ULK4: variants seen among roughly 807,000 people sequenced by gnomAD.
ULK4 encodes the protein inactive serine/threonine-protein kinase ULK4.
In ULK4, 133 loss-of-function variants were observed where a neutral mutation model predicts 160.6. The observed-to-expected ratio is 0.83, with a 90% CI of 0.72 to 0.96. The LOEUF (loss-of-function observed/expected upper bound fraction) is 0.96. ULK4 is among the 40% of genes least tolerant of loss of function. The pLI is 0.00. For missense variants in ULK4, 1,580 were observed against 1,499.5 expected (o/e 1.05, Z -0.89); for synonymous variants, 534 against 539.8 (o/e 0.99, Z 0.15).
intron 32 of ULK4, among the ~76,000 whole-genome samples, chr3:41,464,307 A>G (rs2083771274): frequency 6.6e-6 from 1 of 152,210 alleles, no homozygotes; most frequent in Non-Finnish European, 1.5e-5. Context: ...TTGTCACTAA[A>G]GGCAGTGACA....
chr3:41,354,134 T>C (rs924097121), intron 35 of ULK4, among the ~76,000 whole-genome samples: 8 of 152,260 alleles, frequency 5.3e-5, no homozygotes, highest in Non-Finnish European at 4.4e-5. Context: ...CACACATCAT[T>C]AGTGGAACCT....
chr3:41,635,443 T>C (rs2033915066), intron 30 of ULK4, among the ~76,000 whole-genome samples: 2 of 152,094 alleles, frequency 1.3e-5, no homozygotes, highest in Middle Eastern at 3.4e-3. Flanking sequence ...TATATAAATA[T>C]ATAGAAGCAT....
intron 31 of ULK4, among the ~76,000 whole-genome samples, chr3:41,568,833 AG>A (rs968590072): frequency 6.6e-6 from 1 of 152,158 alleles, no homozygotes; most frequent in African/African-American, 2.4e-5. Flanking sequence ...CCATAGGGCG[AG>A]GGCTCAGTCC....
chr3:41,545,589 C>T (rs972239957), intron 32 of ULK4, among the ~76,000 whole-genome samples: 4 of 152,066 alleles, frequency 2.6e-5, no homozygotes, highest in African/African-American at 9.7e-5. Flanking sequence ...GTTTGACTAT[C>T]GTGTGCTTAG....
chr3:41,768,740 T>A lies in ULK4; in HGVS notation c.2194-14252A>T, dbSNP rs528616356. Among the ~76,000 whole-genome samples, 3 of 152,322 alleles carry A rather than the reference T, an allele frequency of 2.0e-5. No homozygotes were observed. The South Asian group carries it at 6.2e-4, about 32-fold the overall frequency. ...TCTAAATCATAACATTTTGGGTGGT[T>A]TGTTACACAGCAATAGAAAAATAAA... On this transcript the variant is annotated intron_variant, in intron 21 of 36. Coordinates refer to ENST00000301831, the MANE Select transcript of ULK4 (RefSeq NM_017886.4).
chr3:41,411,316 A>C (rs2082404481), intron 34 of ULK4, among the ~76,000 whole-genome samples: 1 of 152,182 alleles, frequency 6.6e-6, no homozygotes, highest in Non-Finnish European at 1.5e-5. Flanking sequence ...TCTGATAAGA[A>C]ACATTTACAA....
intron 32 of ULK4, among the ~76,000 whole-genome samples, chr3:41,539,035 G>GTTTT (rs11425607): frequency 7.1e-6 from 1 of 139,936 alleles, no homozygotes; most frequent in African/African-American, 2.6e-5. Flanking sequence ...CTTTTTCTTA[G>GTTTT]TTTTTTTTTT....
chr3:41,902,420 A>C (rs1234853922), intron 12 of ULK4, among the ~76,000 whole-genome samples: 3 of 152,086 alleles, frequency 2.0e-5, no homozygotes, highest in Admixed American at 2.0e-4. Context: ...TCTACTAAAA[A>C]TACAAAAATT....
chr3:41,571,175 T>C (rs183636493), intron 31 of ULK4, among the ~76,000 whole-genome samples: 28 of 152,336 alleles, frequency 1.8e-4, no homozygotes, highest in Admixed American at 4.6e-4. Context: ...TTATCTTTAC[T>C]TGCTCTTCCC....
chr3:41,756,862 T>C (rs1015472855), intron 21 of ULK4, among the ~76,000 whole-genome samples: 18 of 152,066 alleles, frequency 1.2e-4, no homozygotes, highest in Non-Finnish European at 1.8e-4. Context: ...AAACACAAAA[T>C]GATTCAAAGA....
chr3:41,896,783 C>A (rs188784923), intron 15 of ULK4, 39 bp downstream of exon 15: 1 of 1,547,228 alleles, frequency 6.5e-7, no homozygotes, highest in African/African-American at 1.4e-5. Context: ...TCTATAAAAA[C>A]ACAAATTAAA....
intron 32 of ULK4, among the ~76,000 whole-genome samples, chr3:41,558,131 C>T (rs554050339): frequency 1.3e-5 from 2 of 152,214 alleles, no homozygotes; most frequent in African/African-American, 4.8e-5. Context: ...ATACATATTC[C>T]TGCTCCTGTG....
chr3:41,368,443 C>T (rs58977456), intron 35 of ULK4, among the ~76,000 whole-genome samples: 77,414 of 152,062 alleles, frequency 0.51, 20,669 homozygotes, highest in African/African-American at 0.68. Flanking sequence ...ATTCACAGAA[C>T]GTGCAATCAT....
Position 41,655,416 on chromosome 3 carries a change from T to C in ULK4, c.3071+8191A>G, listed in dbSNP as rs560843875. On this transcript the variant is annotated intron_variant, in intron 30 of 36. Coordinates refer to ENST00000301831, the MANE Select transcript of ULK4 (RefSeq NM_017886.4). ...GGGGGAGGGATAGCATTAGGAGATA[T>C]ACCTAATGCTAAATGACGAGTTAAT... Among the ~76,000 whole-genome samples, 151 of 149,528 alleles carry C rather than the reference T, an allele frequency of 1.0e-3. 1 individual carries two copies. The highest frequency in any genetic ancestry group is 3.5e-3 in the African/African-American group (145 of 40,944).
chr3:41,260,150 T>G (rs188979633), intron 35 of ULK4: 4 of 152,314 alleles, frequency 2.6e-5, no homozygotes, highest in African/African-American at 9.6e-5. Flanking sequence ...CAGCTGGGGT[T>G]TTCATGCTAC....
intron 30 of ULK4, among the ~76,000 whole-genome samples, chr3:41,625,452 C>T (rs2033458799): frequency 6.6e-6 from 1 of 152,150 alleles, no homozygotes; most frequent in Non-Finnish European, 1.5e-5. Flanking sequence ...GATCAAACCC[C>T]AACGCACTCT....
chr3:41,539,583 A>T (rs1188920205), intron 32 of ULK4, among the ~76,000 whole-genome samples: 1 of 152,164 alleles, frequency 6.6e-6, no homozygotes, highest in African/African-American at 2.4e-5. Flanking sequence ...ACAGGGATAG[A>T]CTATAGGAAA....
chr3:41,429,084 G>A (rs1356727833), intron 34 of ULK4, among the ~76,000 whole-genome samples: 5 of 151,512 alleles, frequency 3.3e-5, no homozygotes, highest in Non-Finnish European at 7.4e-5. Flanking sequence ...TAAAAAGCAG[G>A]GAAAAAACAT....
intron 31 of ULK4, among the ~76,000 whole-genome samples, chr3:41,612,861 G>C (rs2032753061): frequency 6.6e-6 from 1 of 152,118 alleles, no homozygotes; most frequent in Non-Finnish European, 1.5e-5. Flanking sequence ...GCACATCATA[G>C]AAGAAACTCT....
Sources: gnomAD v4.1 joint callset for allele counts (sites outside exome capture counted in the v4.1 genomes callset) on GRCh38, gnomAD v4.1.1 for gene constraint, MANE v1.5 for transcripts, NCBI Gene and HGNC (gene_info 2026-07-23, HGNC 2026-07-21) for gene names.